GABRA1: variants seen among roughly 807,000 people sequenced by gnomAD.
GABRA1 encodes the protein gamma-aminobutyric acid type A receptor subunit alpha1, also known as gamma-aminobutyric acid receptor subunit alpha-1.
In GABRA1, 9 loss-of-function variants were observed where a neutral mutation model predicts 48.9. The observed-to-expected ratio is 0.18, with a 90% CI of 0.11 to 0.32. The LOEUF (loss-of-function observed/expected upper bound fraction) is 0.32. Ranked by LOEUF, GABRA1 falls within the 10% of genes least tolerant of loss-of-function variation. GABRA1 has a pLI of 1.00. For synonymous variants in GABRA1, 210 were observed against 198.7 expected (o/e 1.06, Z -0.48); for missense variants, 285 against 553.8 (o/e 0.51, Z 4.87).
chr5:161,888,804 C>A (rs1392872954), intron 7 of GABRA1, among the ~76,000 whole-genome samples: 3 of 151,930 alleles, frequency 2.0e-5, no homozygotes, highest in African/African-American at 7.2e-5. Context: ...TAGAGGAACA[C>A]ACAGAAAATA....
chr5:161,879,964 T>G (rs553154551), intron 6 of GABRA1, among the ~76,000 whole-genome samples: 1 of 152,320 alleles, frequency 6.6e-6, no homozygotes, highest in Non-Finnish European at 1.5e-5. Context: ...AGCAAGAGTT[T>G]TAGTTTGTTG....
chr5:161,894,226 A>G (rs1347662161), intron 8 of GABRA1, among the ~76,000 whole-genome samples: 1 of 152,118 alleles, frequency 6.6e-6, no homozygotes, highest in Non-Finnish European at 1.5e-5. Flanking sequence ...TACAAGAAAA[A>G]AATTTTATAA....
chr5:161,875,471 A>G, intron 5 of GABRA1, 89 bp from the exon 6 acceptor site: 2 of 1,022,776 alleles, frequency 2.0e-6, no homozygotes, highest in Non-Finnish European at 3.1e-6. Flanking sequence ...TTGTTAATAT[A>G]TTTGCTACAG....
At chr5:161,850,627 G>T in intron 1 of GABRA1, 169 bp from the exon 2 acceptor site, 1 of 636,096 alleles carries the variant, frequency 1.6e-6, no homozygotes, top group Non-Finnish European at 2.8e-6. Context: ...GGAAGGGAAA[G>T]TGGAGAATGG....
intron 1 of GABRA1, 30 bp downstream of exon 1, chr5:161,848,452 G>C (rs553407875): frequency 6.7e-6 from 1 of 148,314 alleles, no homozygotes; most frequent in Non-Finnish European, 1.4e-5. Context: ...ACGATACACA[G>C]ACAGAGCTTT....
intron 4 of GABRA1, among the ~76,000 whole-genome samples, chr5:161,871,328 T>C (rs1754113289): frequency 6.6e-6 from 1 of 152,140 alleles, no homozygotes; most frequent in African/African-American, 2.4e-5. Flanking sequence ...CAGGTGGCCA[T>C]TCATTCCTTC....
At chr5:161,859,999 G>A (rs1449159119) in intron 3 of GABRA1, among the ~76,000 whole-genome samples, 1 of 151,736 alleles carries the variant, frequency 6.6e-6, no homozygotes, top group African/African-American at 2.4e-5. Context: ...GCAAGGTATG[G>A]AGCAGATGCT....
intron 4 of GABRA1, among the ~76,000 whole-genome samples, chr5:161,868,920 C>T (rs555868540): frequency 6.6e-6 from 1 of 152,196 alleles, no homozygotes; most frequent in East Asian, 1.9e-4. Flanking sequence ...TAAGGAACAG[C>T]GTGTCCAACC....
intron 3 of GABRA1, among the ~76,000 whole-genome samples, chr5:161,859,308 T>C (rs116217029): frequency 0.047 from 7,061 of 151,750 alleles, 205 homozygotes; most frequent in African/African-American, 0.073. Flanking sequence ...ATAAAACCTT[T>C]AAGACTAACC....
chr5:161,869,340 T>C (rs1277122299), intron 4 of GABRA1, among the ~76,000 whole-genome samples: 1 of 152,184 alleles, frequency 6.6e-6, no homozygotes, highest in Non-Finnish European at 1.5e-5. Flanking sequence ...CTAAGTATTA[T>C]TCTTGTCTAC....
rs139163545 is a variant in GABRA1, at chr5:161,873,300, C to T, written c.439C>T (p.Arg147Trp). The T allele has an allele frequency of 1.2e-6, 2 of 1,613,736 alleles. No individual in the cohort carries two copies. Among genetic ancestry groups the T allele is most frequent in the East Asian group, 2.2e-5 (1 of 44,862 alleles). Residue 147 changes from arginine to tryptophan, a missense_variant, in exon 5 of 10, where the codon CGG (arginine) becomes TGG (tryptophan). Arg to Trp is a moderately radical substitution (Grantham distance 101). Transcript: ENST00000393943. The part of the protein sequence containing the change: ...HNMTMPNKLL[R>W]ITEDGTLLYT... ...CATGACCATGCCCAACAAACTCCTGCGGATCACAGAGGATGGCACCTTGCT... is the reference window on the plus strand; with the variant it reads ...CATGACCATGCCCAACAAACTCCTGTGGATCACAGAGGATGGCACCTTGCT...
At chr5:161,892,524 G>A (rs1755139776) in intron 8 of GABRA1, among the ~76,000 whole-genome samples, 1 of 152,162 alleles carries the variant, frequency 6.6e-6, no homozygotes, top group Non-Finnish European at 1.5e-5. Flanking sequence ...AATAATTGCA[G>A]CTGCAGAACA....
chr5:161,865,518 T>C (rs1753793550), intron 3 of GABRA1, among the ~76,000 whole-genome samples: 1 of 152,180 alleles, frequency 6.6e-6, no homozygotes, highest in African/African-American at 2.4e-5. Flanking sequence ...CAAAGTGGCA[T>C]ATTTAGGCTT....
chr5:161,865,616 C>G (rs1189509063), intron 3 of GABRA1, 105 bp from the exon 4 acceptor site: 1 of 900,544 alleles, frequency 1.1e-6, no homozygotes, highest in Non-Finnish European at 1.9e-6. Context: ...TTAGAAATAG[C>G]TAATCAAAGA....
Position 161,898,081 on chromosome 5 carries a change from T to TAG in GABRA1, c.*662_*663dup, listed in dbSNP as rs1294356947. On this transcript the variant is annotated 3_prime_UTR_variant, in exon 10 of 10. Coordinates refer to ENST00000393943, the MANE Select transcript of GABRA1 (RefSeq NM_001127644.2). ...TACGTAAAGGTGCAGTTGCTCATTG[T>TAG]AGAGCACATTTAGTCCAATGAAGAT... The TAG allele has an allele frequency of 3.3e-5, 5 of 152,296 alleles. No individual in the cohort carries two copies. The highest frequency in any genetic ancestry group is 7.3e-5 in the Non-Finnish European group (5 of 68,092). 9.4% of individuals were successfully genotyped at this position (152,296 alleles called of 1,614,324 possible). A position where few individuals can be genotyped will look rare whatever the true frequency, so the allele number is the denominator to read the frequency against.
intron 7 of GABRA1, among the ~76,000 whole-genome samples, chr5:161,887,757 A>G (rs954610295): frequency 1.3e-5 from 2 of 152,160 alleles, no homozygotes; most frequent in Non-Finnish European, 2.9e-5. Flanking sequence ...TGACTTAGAG[A>G]GAGAATGCAT....
chr5:161,882,407 G>C (rs1754656196), intron 6 of GABRA1, 151 bp from the exon 7 acceptor site: 2 of 707,466 alleles, frequency 2.8e-6, no homozygotes, highest in Non-Finnish European at 4.8e-6. Flanking sequence ...ACGTGTTTTA[G>C]TTTTTGTAAA....
intron 7 of GABRA1, among the ~76,000 whole-genome samples, 166 bp from the exon 8 acceptor site, chr5:161,890,732 A>G (rs938908312): frequency 1.3e-5 from 2 of 152,138 alleles, no homozygotes; most frequent in African/African-American, 4.8e-5. Flanking sequence ...TGTGTTAAGT[A>G]TGTCTCTTTT....
At chr5:161,894,439 T>A (rs1445668529) in intron 8 of GABRA1, among the ~76,000 whole-genome samples, 2 of 152,116 alleles carry the variant, frequency 1.3e-5, no homozygotes, top group African/African-American at 4.8e-5. Context: ...TGAGCAAAAA[T>A]GTCCTTCTCC....
Sources: allele counts gnomAD v4.1 joint callset (sites outside exome capture counted in the v4.1 genomes callset), GRCh38; gene constraint gnomAD v4.1.1; transcripts MANE v1.5; gene names NCBI Gene and HGNC (gene_info 2026-07-23, HGNC 2026-07-21).